TENM2: variants seen among roughly 807,000 people sequenced by gnomAD.
TENM2 encodes the protein teneurin transmembrane protein 2, also known as teneurin-2.
Under a neutral mutation model 245.2 loss-of-function variants are expected in TENM2, and 52 were observed. That is an observed-to-expected ratio of 0.21 (90% CI 0.17 to 0.27). The LOEUF (loss-of-function observed/expected upper bound fraction) is 0.27. Among genes scored for constraint, TENM2 ranks in the 10% least tolerant of loss-of-function variants. The pLI, the probability that TENM2 is intolerant of heterozygous loss-of-function variation, is 1.00. For synonymous variants in TENM2, 1,363 were observed against 1,438.9 expected (o/e 0.95, Z 1.19); for missense variants, 3,046 against 3,666.8 (o/e 0.83, Z 4.37).
At chr5:167,271,373 C>T in the TENM2 span, among the ~76,000 whole-genome samples, 10 of 152,050 alleles carry the variant, frequency 6.6e-5, no homozygotes, top group Non-Finnish European at 8.8e-5. Context: ...CAGTAAACCT[C>T]CACATTTCGT....
chr5:167,564,308 G>A (rs932393054), intron 2 of TENM2, among the ~76,000 whole-genome samples: 8 of 152,176 alleles, frequency 5.3e-5, no homozygotes, highest in African/African-American at 1.9e-4. Flanking sequence ...GAACCTTTGA[G>A]GTAGAGGCCT....
chr5:167,992,054 A>AGTGG (rs142306654), intron 4 of TENM2, among the ~76,000 whole-genome samples: 4,856 of 152,286 alleles, frequency 0.032, 228 homozygotes, highest in African/African-American at 0.11. Flanking sequence ...CTCACTTATA[A>AGTGG]GTGGGAGCTA....
chr5:167,285,405 T>G lies in TENM2; in HGVS notation c.226+342T>G, dbSNP rs183577051. Among the ~76,000 whole-genome samples, 17 of 152,320 alleles carry G rather than the reference T, an allele frequency of 1.1e-4. No homozygotes were observed. The East Asian group carries it at 3.3e-3, about 29-fold the overall frequency. ...AATAGTGTATAATAATACGCCCTTT[T>G]CCCTCTACTAAAATATGATGTTAAT... On this transcript the variant is annotated intron_variant, in intron 1 of 28. Coordinates refer to ENST00000518659, the Ensembl canonical transcript of TENM2.
At chr5:167,562,975 A>T (rs1773692408) in intron 2 of TENM2, among the ~76,000 whole-genome samples, 1 of 150,932 alleles carries the variant, frequency 6.6e-6, no homozygotes, top group East Asian at 2.0e-4. Flanking sequence ...AAAAAAAAAA[A>T]GAAAAAGAAA....
chr5:167,876,143 C>T (rs1385468198), exon 3 of TENM2: 1 of 1,551,516 alleles, frequency 6.4e-7, no homozygotes, highest in Non-Finnish European at 8.7e-7. Flanking sequence ...AATTCTCCCC[C>T]AATTCATACC....
chr5:167,733,428 A>C (rs1194744730), intron 2 of TENM2, among the ~76,000 whole-genome samples: 3 of 152,184 alleles, frequency 2.0e-5, no homozygotes, highest in Non-Finnish European at 2.9e-5. Context: ...TCGAATGTGA[A>C]ATTAAAAAGA....
intron 27 of TENM2, among the ~76,000 whole-genome samples, chr5:168,254,999 G>A (rs1476151341): frequency 1.3e-5 from 2 of 151,328 alleles, no homozygotes; most frequent in African/African-American, 2.4e-5. Flanking sequence ...GTGAGACGAG[G>A]TCACACCACT....
chr5:168,207,028 C>G (rs1002969377), intron 19 of TENM2, among the ~76,000 whole-genome samples: 2 of 152,136 alleles, frequency 1.3e-5, no homozygotes, highest in Non-Finnish European at 2.9e-5. Context: ...GTGTCAGGGC[C>G]CCCTCTTCCA....
intron 2 of TENM2, among the ~76,000 whole-genome samples, chr5:167,595,991 G>A (rs1426520753): frequency 6.6e-6 from 1 of 152,114 alleles, no homozygotes; most frequent in Non-Finnish European, 1.5e-5. Flanking sequence ...ATCTACCTAA[G>A]GATATTGTTA....
chr5:167,280,424 C>T (rs1770976400), upstream of TENM2, among the ~76,000 whole-genome samples: 1 of 152,122 alleles, frequency 6.6e-6, no homozygotes, highest in Non-Finnish European at 1.5e-5. Context: ...AAGAGGAGAG[C>T]TTCACTATTT....
At chr5:167,052,802 G>A in the TENM2 span, among the ~76,000 whole-genome samples, 5 of 151,622 alleles carry the variant, frequency 3.3e-5, no homozygotes, top group African/African-American at 4.8e-5. Context: ...ATTCTCCTGG[G>A]CACTGTTGGA....
intron 2 of TENM2, among the ~76,000 whole-genome samples, chr5:167,808,924 A>G (rs1485324518): frequency 6.6e-6 from 1 of 152,198 alleles, no homozygotes; most frequent in African/African-American, 2.4e-5. Context: ...CATTTGCAAG[A>G]TGTATCATTG....
chr5:167,370,522 C>T (rs1199314805), intron 1 of TENM2, among the ~76,000 whole-genome samples: 1 of 152,122 alleles, frequency 6.6e-6, no homozygotes. Context: ...TCTCTCCCAA[C>T]CTTAAATTAC....
At chr5:167,969,499 G>A (rs1781616739) in intron 4 of TENM2, among the ~76,000 whole-genome samples, 1 of 152,142 alleles carries the variant, frequency 6.6e-6, no homozygotes, top group Non-Finnish European at 1.5e-5. Context: ...TTTATTAGCA[G>A]CGTAAGAACA....
the TENM2 span, among the ~76,000 whole-genome samples, chr5:167,115,755 A>T: frequency 1.3e-5 from 2 of 152,226 alleles, no homozygotes; most frequent in African/African-American, 2.4e-5. Context: ...TGGGAAAAAA[A>T]GAATTTTAAT....
intron 2 of TENM2, among the ~76,000 whole-genome samples, chr5:167,480,611 G>T (rs926596928): frequency 1.3e-5 from 2 of 152,144 alleles, no homozygotes; most frequent in African/African-American, 4.8e-5. Flanking sequence ...AGATGATTGC[G>T]ATGTAAATGA....
the TENM2 span, among the ~76,000 whole-genome samples, chr5:167,162,557 G>A: frequency 6.6e-6 from 1 of 151,874 alleles, no homozygotes; most frequent in Admixed American, 6.6e-5. Flanking sequence ...GAATCTGGGA[G>A]GCGGAGTTTG....
At chr5:168,097,859 C>G (rs1793494314) in intron 8 of TENM2, among the ~76,000 whole-genome samples, 167 bp from the exon 11 acceptor site, 1 of 152,132 alleles carries the variant, frequency 6.6e-6, no homozygotes, top group Non-Finnish European at 1.5e-5. Flanking sequence ...CCAGTCCCCA[C>G]CACTCCCTAT....
chr5:167,540,720 T>C (rs1377653291), intron 2 of TENM2, among the ~76,000 whole-genome samples: 1 of 152,198 alleles, frequency 6.6e-6, no homozygotes, highest in African/African-American at 2.4e-5. Flanking sequence ...ATCAGTTCCG[T>C]AGTTTGTTAC....
Sources: gnomAD v4.1 joint callset for allele counts (sites outside exome capture counted in the v4.1 genomes callset) on GRCh38, gnomAD v4.1.1 for gene constraint, MANE v1.5 for transcripts, NCBI Gene and HGNC (gene_info 2026-07-23, HGNC 2026-07-21) for gene names.